Variants in USP25 observed in about 807,000 individuals in gnomAD.
The protein encoded by USP25 is ubiquitin carboxyl-terminal hydrolase 25.
In USP25, 85 loss-of-function variants were observed where a neutral mutation model predicts 158.5. That is an observed-to-expected ratio of 0.54 (90% confidence interval 0.45 to 0.64). The LOEUF is 0.64. Among genes scored for constraint, USP25 ranks in the 30% least tolerant of loss-of-function variants. The probability of loss-of-function intolerance (pLI) is 0.00; values close to 1 mark genes in which losing one functional copy is unlikely to be tolerated. For synonymous variants in USP25, 464 were observed against 460.4 expected (o/e 1.01, Z -0.10); for missense variants, 1,242 against 1,327.3 (o/e 0.94, Z 1.00).
intron 4 of USP25, among the ~76,000 whole-genome samples, chr21:15,780,559 A>G (rs1250830737): frequency 6.6e-6 from 1 of 152,204 alleles, no homozygotes; most frequent in South Asian, 2.1e-4. Context: ...TCTAGCTAAA[A>G]TTGTTACAAA....
At chr21:15,859,987 C>CTG (rs1568901563) in intron 20 of USP25, among the ~76,000 whole-genome samples, 101 of 132,064 alleles carry the variant, frequency 7.6e-4, no homozygotes, top group African/African-American at 3.0e-3. Flanking sequence ...ATATATATAT[C>CTG]TATATTTTTT....
rs955010316 is a variant in USP25 at position 15,844,387 on chromosome 21, C to T, written c.2337+1847C>T. On this transcript the variant is annotated intron_variant, in intron 18 of 25. Coordinates refer to ENST00000400183, the MANE Select transcript of USP25 (RefSeq NM_001283041.3). Reference sequence around the variant, plus strand: ...ACCTTGAATAAATTGCCAAATTTCTCCAGATAGACCTCAGTCTTCTTTTCC... The same window carrying T: ...ACCTTGAATAAATTGCCAAATTTCTTCAGATAGACCTCAGTCTTCTTTTCC... Among the ~76,000 whole-genome samples, 21 of 152,196 alleles carry T rather than the reference C, an allele frequency of 1.4e-4. No individual in the cohort carries two copies. The East Asian group carries it at 3.9e-3, about 28-fold the overall frequency.
intron 10 of USP25, among the ~76,000 whole-genome samples, chr21:15,821,454 G>T (rs1362354205): frequency 1.3e-5 from 2 of 151,860 alleles, no homozygotes; most frequent in African/African-American, 4.8e-5. Context: ...GGGTCACAGG[G>T]CATACTCATT....
intron 1 of USP25, among the ~76,000 whole-genome samples, chr21:15,740,566 G>A (rs983011052): frequency 1.6e-4 from 23 of 144,296 alleles, no homozygotes; most frequent in Non-Finnish European, 3.3e-4. Flanking sequence ...GCACAAATAA[G>A]TTGAATCGAT....
intron 14 of USP25, 38 bp from the exon 15 acceptor site, chr21:15,830,493 T>C (rs2823503): frequency 0.16 from 246,170 of 1,533,742 alleles, 24,209 homozygotes; most frequent in African/African-American, 0.46. Context: ...TAGAAACACA[T>C]TTGCTGTTAA....
chr21:15,851,466 G>A (rs943644720), intron 20 of USP25, among the ~76,000 whole-genome samples: 13 of 150,538 alleles, frequency 8.6e-5, no homozygotes, highest in South Asian at 2.1e-4. Flanking sequence ...TTCCTGCGTC[G>A]CATACATACA....
At chr21:15,753,674 T>A (rs964030766) in intron 1 of USP25, among the ~76,000 whole-genome samples, 1 of 151,390 alleles carries the variant, frequency 6.6e-6, no homozygotes, top group African/African-American at 2.4e-5. Context: ...TGGCCTGATA[T>A]ATGTATGCTT....
intron 20 of USP25, among the ~76,000 whole-genome samples, chr21:15,854,799 G>C (rs1402905223): frequency 6.6e-6 from 1 of 151,984 alleles, no homozygotes; most frequent in Non-Finnish European, 1.5e-5. Context: ...TACCCAATAA[G>C]AATGCAGTAT....
Position 15,864,369 on chromosome 21 carries a change from G to A in USP25, c.2649G>A (p.Gln883=), listed in dbSNP as rs1228968414. The A allele has an allele frequency of 6.2e-7, 1 of 1,612,822 alleles. No homozygotes were observed. The highest frequency in any genetic ancestry group is 1.3e-5 in the African/African-American group (1 of 74,804). ...ATCATGTAGTGGTCTACTTTATCCA[G>A]AACCAGGCACCAAAGAAAATTATTG... ...RLHHVVVYFI[Q]NQAPKKIIEK... The change falls in exon 21 of 26, where the codon CAG becomes CAA. Residue 883 remains glutamine, a synonymous_variant. Coordinates refer to ENST00000400183, the MANE Select transcript of USP25 (RefSeq NM_001283041.3).
intron 20 of USP25, among the ~76,000 whole-genome samples, chr21:15,853,270 TATACACAC>T (rs2038971520): frequency 6.6e-6 from 1 of 152,124 alleles, no homozygotes; most frequent in Non-Finnish European, 1.5e-5. Context: ...TAGCTGTCTG[TATACACAC>T]ATACACATGT....
At chr21:15,796,984 A>T (rs191352898) in intron 5 of USP25, among the ~76,000 whole-genome samples, 2 of 151,566 alleles carry the variant, frequency 1.3e-5, no homozygotes, top group East Asian at 3.9e-4. Context: ...TAAATTTCAG[A>T]ATGGAAAAAT....
intron 1 of USP25, among the ~76,000 whole-genome samples, chr21:15,745,473 C>CTTTTTTTTTTTTTT (rs11284817): frequency 8.0e-5 from 9 of 112,988 alleles, no homozygotes; most frequent in South Asian, 2.9e-4. Context: ...TTTTTCTTTT[C>CTTTTTTTTTTTTTT]TTTTTTTTTT....
chr21:15,806,884 C>G (rs1350070673), intron 7 of USP25, among the ~76,000 whole-genome samples: 1 of 151,660 alleles, frequency 6.6e-6, no homozygotes, highest in Non-Finnish European at 1.5e-5. Context: ...TTTGAGACAC[C>G]CTTTGGTATG....
intron 1 of USP25, among the ~76,000 whole-genome samples, chr21:15,741,918 C>T (rs1220522970): frequency 1.3e-5 from 2 of 152,136 alleles, no homozygotes; most frequent in Admixed American, 1.3e-4. Context: ...TTAAATTTAT[C>T]TCTTTAACAA....
intron 4 of USP25, among the ~76,000 whole-genome samples, chr21:15,787,623 C>T (rs1373811977): frequency 6.6e-6 from 1 of 151,998 alleles, no homozygotes; most frequent in Non-Finnish European, 1.5e-5. Context: ...CTGGTCGGTT[C>T]TTCTTAAATT....
chr21:15,773,303 G>T, intron 3 of USP25: 1 of 152,586 alleles, frequency 6.6e-6, no homozygotes, highest in Non-Finnish European at 1.5e-5. Flanking sequence ...ATGCGAGGAT[G>T]CAAGGGCAAG....
chr21:15,759,973 T>C (rs1271110025), intron 1 of USP25, among the ~76,000 whole-genome samples: 1 of 152,264 alleles, frequency 6.6e-6, no homozygotes, highest in Non-Finnish European at 1.5e-5. Context: ...TACTTTATTA[T>C]GTATTTTATT....
intron 1 of USP25, among the ~76,000 whole-genome samples, chr21:15,736,392 G>A (rs2031519973): frequency 6.6e-6 from 1 of 152,020 alleles, no homozygotes; most frequent in Non-Finnish European, 1.5e-5. Context: ...TATTTCTAAT[G>A]GATTCAATCC....
chr21:15,786,654 A>G (rs912341529), intron 4 of USP25, among the ~76,000 whole-genome samples: 2 of 152,178 alleles, frequency 1.3e-5, no homozygotes, highest in Non-Finnish European at 2.9e-5. Context: ...AGAAACCCAC[A>G]GCTAGTAGTA....
Sources: allele counts gnomAD v4.1 joint callset (sites outside exome capture counted in the v4.1 genomes callset), GRCh38; gene constraint gnomAD v4.1.1; transcripts MANE v1.5; gene names NCBI Gene and HGNC (gene_info 2026-07-23, HGNC 2026-07-21).